The following HDAC5 variants were observed in gnomAD, a reference collection of about 807,000 sequenced individuals.
HDAC5 encodes the protein histone deacetylase 5.
A neutral mutation model predicts 133.3 loss-of-function variants in HDAC5; 25 were observed. The ratio of observed to expected loss-of-function variants is 0.19; its 90% confidence interval spans 0.14 to 0.26. HDAC5 has a LOEUF of 0.26. HDAC5 is among the 10% of genes least tolerant of loss of function. The pLI, the probability that HDAC5 is intolerant of heterozygous loss-of-function variation, is 1.00. For synonymous variants in HDAC5, 589 were observed against 610.8 expected, an observed-to-expected ratio of 0.96 and a Z score of 0.53; for missense variants, 1,041 against 1,460.5, an observed-to-expected ratio of 0.71 and a Z score of 4.68.
chr17:44,080,649 C>T, intron 21 of HDAC5, 114 bp downstream of exon 21: 1 of 1,516,474 alleles, frequency 6.6e-7, no homozygotes, highest in Non-Finnish European at 9.1e-7. Flanking sequence ...CACTAGGAGC[C>T]CAGACTCCCC....
At chr17:44,101,603 G>C (rs994631575) in intron 3 of HDAC5, among the ~76,000 whole-genome samples, 1 of 152,120 alleles carries the variant, frequency 6.6e-6, no homozygotes, top group Admixed American at 6.6e-5. Context: ...TTCACAAGAG[G>C]AGAAAGTGAA....
At chr17:44,079,979 T>A in intron 23 of HDAC5, 128 bp downstream of exon 23, 3 of 738,558 alleles carry the variant, frequency 4.1e-6, no homozygotes, top group South Asian at 3.1e-5. Context: ...CCAAGATGAT[T>A]CCAAGTCTAG....
intron 21 of HDAC5, 67 bp from the exon 22 acceptor site, chr17:44,080,565 C>T (rs2050343653): frequency 1.3e-6 from 2 of 1,540,514 alleles, no homozygotes; most frequent in African/African-American, 2.7e-5. Flanking sequence ...CCCCTGCCCT[C>T]ACCCCTGCCT....
chr17:44,086,844 C>A, intron 13 of HDAC5, 107 bp from the exon 14 acceptor site: 1 of 804,220 alleles, frequency 1.2e-6, no homozygotes, highest in Non-Finnish European at 1.7e-6. Flanking sequence ...CCTTTTCTTC[C>A]AAGTCTCCTT....
At chr17:44,111,767 G>A (rs555893865) in intron 2 of HDAC5, 21 of 463,964 alleles carry the variant, frequency 4.5e-5, no homozygotes, top group South Asian at 1.5e-4. Flanking sequence ...GCTCCCTCCC[G>A]CTCATTCTGG....
Position 44,091,846 on chromosome 17 carries a change from G to T in HDAC5, c.1033-15C>A. On this transcript the variant is annotated splice_polypyrimidine_tract_variant and intron_variant, in intron 9 of 26. Transcript: ENST00000682912. ...TGAGGGAGCATCTGGGGAGCAGTCA[G>T]AAGAGACAGGCATGAGAGTGCACAA... 1 of 1,538,958 alleles carries T rather than the reference G, an allele frequency of 6.5e-7. No individual in the cohort carries two copies. Among genetic ancestry groups the T allele is most frequent in the Admixed American group, 2.1e-5 (1 of 47,528 alleles).
At position 44,092,487 on chromosome 17, in the gene HDAC5, C is replaced by T. The variant is rs1250077152; in HGVS notation, c.813G>A (p.Gln271=). The T allele has an allele frequency of 4.3e-6, 7 of 1,613,872 alleles. No individual in the cohort carries two copies. Among genetic ancestry groups the T allele is most frequent in the Non-Finnish European group, 5.1e-6 (6 of 1,179,966 alleles). The change falls in exon 8 of 27, where the codon CAG becomes CAA. Residue 271 remains glutamine, a synonymous_variant. Transcript: ENST00000682912. The part of the protein sequence containing the change: ...PNLKVRSRLK[Q]KVAERRSSPL... ...GACTGCTTCTCCGCTCAGCCACCTTCTGTTTTAGCCTTGAACGCACTTTCA... is the reference window on the plus strand; with the variant it reads ...GACTGCTTCTCCGCTCAGCCACCTTTTGTTTTAGCCTTGAACGCACTTTCA...
Position 44,080,101 on chromosome 17 carries a change from G to T in HDAC5, c.2944+6C>A, listed in dbSNP as rs771198307. 3 of 1,588,270 alleles carry T rather than the reference G, an allele frequency of 1.9e-6. No individual in the cohort carries two copies. Among genetic ancestry groups the T allele is most frequent in the South Asian group, 1.1e-5 (1 of 90,572 alleles). On this transcript the variant is annotated splice_donor_region_variant and intron_variant, in intron 23 of 26. Coordinates refer to ENST00000682912, the MANE Select transcript of HDAC5 (RefSeq NM_005474.5). Reference sequence around the variant, plus strand: ...ACTTCCTCCCTCAATCCCCCAGCAGGCTTACATCTGGCGGTGACAGAGTAG... The same window carrying T: ...ACTTCCTCCCTCAATCCCCCAGCAGTCTTACATCTGGCGGTGACAGAGTAG...
intron 3 of HDAC5, 36 bp downstream of exon 3, chr17:44,110,693 A>G (rs369601765): frequency 6.4e-6 from 10 of 1,558,256 alleles, no homozygotes; most frequent in Non-Finnish European, 8.8e-6. Flanking sequence ...AGGATGCCAG[A>G]TGACAGAGGG....
rs55764662 is a variant in HDAC5, at chr17:44,078,374, C to T, written c.*2G>A. 0.031 allele frequency: 46,524 copies of T among 1,520,748 alleles called. 891 individuals carry two copies. Among genetic ancestry groups the T allele is most frequent in the Non-Finnish European group, 0.035 (40,121 of 1,136,558 alleles). 94.2% of individuals were successfully genotyped at this position (1,520,748 alleles called of 1,614,324 possible). ...AAGCCCAGAGGGATGGGGGCCGGGG[C>T]GTCACAGGGCAGGCTCCTGCTCCAT... On this transcript the variant is annotated 3_prime_UTR_variant, in exon 27 of 27. Transcript: ENST00000682912.
At chr17:44,103,554 G>A (rs149071060) in intron 3 of HDAC5, among the ~76,000 whole-genome samples, 245 of 152,300 alleles carry the variant, frequency 1.6e-3, no homozygotes, top group Non-Finnish European at 2.2e-3. Context: ...GGGTAGTTAG[G>A]CTCGGGAGAA....
chr17:44,079,109 G>A, intron 24 of HDAC5, 35 bp downstream of exon 24: 1 of 1,599,234 alleles, frequency 6.3e-7, no homozygotes, highest in Non-Finnish European at 8.5e-7. Flanking sequence ...TCAGACCTCT[G>A]GCCTGCCACC....
intron 1 of HDAC5, among the ~76,000 whole-genome samples, chr17:44,119,497 T>TC (rs1438454767): frequency 2.6e-5 from 4 of 152,162 alleles, no homozygotes; most frequent in Non-Finnish European, 5.9e-5. Context: ...ATGCTGATCC[T>TC]CACCCCTGAG....
chr17:44,088,250 C>T lies in HDAC5; in HGVS notation c.1599+137G>A, dbSNP rs969974938. 33 of 1,347,778 alleles carry T rather than the reference C, an allele frequency of 2.4e-5. No individual in the cohort carries two copies. In the African/African-American group the frequency reaches 3.5e-4, roughly 14 times the overall value. 83.5% of individuals were successfully genotyped at this position (1,347,778 alleles called of 1,614,324 possible). ...CTGGTCTCGAACTCCTGACCTCAGG[C>T]GATCTGCCCACCTCGGCCTCCCAAT... On this transcript the variant is annotated intron_variant, in intron 12 of 26. Coordinates refer to ENST00000682912, the MANE Select transcript of HDAC5 (RefSeq NM_005474.5).
At position 44,108,316 on chromosome 17, in the gene HDAC5, C is replaced by T. The variant is rs576566789; in HGVS notation, c.94+2413G>A. Among the ~76,000 whole-genome samples the T allele has an allele frequency of 1.6e-4, 25 of 152,320 alleles. No homozygotes were observed. The South Asian group carries it at 5.0e-3, about 30-fold the overall frequency. Reference sequence around the variant, plus strand: ...AGGCCCCAGAATAGAGCCCAGGAATCCTGCCAGCAATTCTGGACTCCAGCC... The same window carrying T: ...AGGCCCCAGAATAGAGCCCAGGAATTCTGCCAGCAATTCTGGACTCCAGCC... On this transcript the variant is annotated intron_variant, in intron 3 of 26. Coordinates refer to ENST00000682912, the MANE Select transcript of HDAC5 (RefSeq NM_005474.5).
Position 44,092,746 on chromosome 17 carries a change from C to A in HDAC5, c.702G>T (p.Thr234=). The change falls in exon 7 of 27, where the codon ACG becomes ACT. Residue 234 remains threonine (T), a synonymous_variant. Transcript: ENST00000682912. ...GCAAAGGCAGTTTGTAGGAGGGAGG[C>A]GTCCCAGGGGGGCCGCTCTGGGGAG... ...SSPPQSGPPG[T]PPSYKLPLPG... is the part of the protein sequence containing the mutation. 2.5e-6 allele frequency: 3 copies of A among 1,181,704 alleles called. No individual in the cohort carries two copies. The highest frequency in any genetic ancestry group is 3.2e-6 in the Non-Finnish European group (3 of 928,732). The allele number at this position is 1,181,704 out of a possible 1,614,324, so 73.2% of individuals were successfully genotyped here. A position where few individuals can be genotyped will look rare whatever the true frequency, so the allele number is the denominator to read the frequency against.
In HDAC5 at chr17:44,080,749, C is replaced by T; in HGVS notation, c.2727+14G>A. The T allele has an allele frequency of 6.2e-7, 1 of 1,614,190 alleles. No individual in the cohort carries two copies. The highest frequency in any genetic ancestry group is 8.5e-7 in the Non-Finnish European group (1 of 1,180,034). On this transcript the variant is annotated intron_variant, in intron 21 of 26. Coordinates refer to ENST00000682912, the MANE Select transcript of HDAC5 (RefSeq NM_005474.5). ...GGGGCCAGGAGGGTCTGCATTTACG[C>T]CCAGGAGCTGTACCTCTTCAGGAGC...
rs2144182524 is a variant in HDAC5 at position 44,078,556 on chromosome 17, C to T, written c.3273G>A (p.Leu1091=). Reference sequence around the variant, plus strand: ...GGGCCTGCTCGGCCCCCACCGACAGCAAGGCCATGGCGCTCACAGTCTCGG... The same window carrying T: ...GGGCCTGCTCGGCCCCCACCGACAGTAAGGCCATGGCGCTCACAGTCTCGG... The part of the protein sequence containing the change: ...EEAETVSAMA[L]LSVGAEQAQA... The change falls in exon 26 of 27, where the codon TTG becomes TTA. Residue 1091 remains leucine, a synonymous_variant. Coordinates refer to ENST00000682912, the MANE Select transcript of HDAC5 (RefSeq NM_005474.5). The T allele has an allele frequency of 2.5e-6, 4 of 1,612,122 alleles. No individual in the cohort carries two copies. The highest frequency in any genetic ancestry group is 2.7e-5 in the African/African-American group (2 of 75,046).
At chr17:44,090,310 T>C (rs946884332) in intron 11 of HDAC5, among the ~76,000 whole-genome samples, 1 of 152,182 alleles carries the variant, frequency 6.6e-6, no homozygotes, top group Non-Finnish European at 1.5e-5. Context: ...TAACTGCATA[T>C]GTATTACCGA....
Sources: gnomAD v4.1 joint callset for allele counts (sites outside exome capture counted in the v4.1 genomes callset) on GRCh38, gnomAD v4.1.1 for gene constraint, MANE v1.5 for transcripts, NCBI Gene and HGNC (gene_info 2026-07-23, HGNC 2026-07-21) for gene names.